Variants in LRRN1 observed in about 807,000 individuals in gnomAD.
The protein encoded by LRRN1 is leucine-rich repeat neuronal protein 1.
LRRN1 carries 14 observed loss-of-function variants against 45.8 expected under a neutral mutation model. That is an observed-to-expected ratio of 0.31 (90% CI 0.20 to 0.48). The LOEUF (loss-of-function observed/expected upper bound fraction) is 0.48, where lower values mean the gene tolerates loss of function less well. LRRN1 is among the 20% of genes least tolerant of loss of function. The probability of loss-of-function intolerance (pLI) is 0.99; values close to 1 mark genes in which losing one functional copy is unlikely to be tolerated. For missense variants in LRRN1, 789 were observed against 874.2 expected, an observed-to-expected ratio of 0.90 and a Z score of 1.23; for synonymous variants, 359 against 330.1, an observed-to-expected ratio of 1.09 and a Z score of -0.95.
intron 1 of LRRN1, among the ~76,000 whole-genome samples, chr3:3,804,917 T>C (rs2106449567): frequency 6.6e-6 from 1 of 152,332 alleles, no homozygotes; most frequent in East Asian, 1.9e-4. Flanking sequence ...GGAGCCACCA[T>C]TTCAATCCAG....
intron 1 of LRRN1, chr3:3,827,438 T>A: frequency 2.2e-6 from 1 of 456,476 alleles, no homozygotes; most frequent in South Asian, 1.5e-5. Context: ...CACAGTGGAG[T>A]CTGGGTCCAT....
At chr3:3,800,106 A>C (rs1575274004) in intron 1 of LRRN1, among the ~76,000 whole-genome samples, 187 bp downstream of exon 1, 1 of 149,400 alleles carries the variant, frequency 6.7e-6, no homozygotes, top group East Asian at 2.0e-4. Flanking sequence ...GGAAACGAGA[A>C]TATAGTGCCC....
intron 1 of LRRN1, among the ~76,000 whole-genome samples, chr3:3,826,447 CT>C (rs1300981785): frequency 1.3e-5 from 2 of 152,138 alleles, no homozygotes; most frequent in Non-Finnish European, 2.9e-5. Context: ...GAATTCCTTT[CT>C]TGGCGAACAT....
rs1403125985 is a variant in LRRN1, at chr3:3,848,621, A to G, written c.*1829A>G. 6.6e-6 allele frequency among the ~76,000 whole-genome samples: 1 copy of G among 152,182 alleles called. No homozygotes were observed. The highest frequency in any genetic ancestry group is 2.4e-5 in the African/African-American group (1 of 41,452). On this transcript the variant is annotated 3_prime_UTR_variant, in exon 2 of 2. Coordinates refer to ENST00000319331, the MANE Select transcript of LRRN1 (RefSeq NM_020873.7). ...AAGGGGTTTTGGCAAACAGAATTTC[A>G]GATCTTGAAACAAATGAGCTGCAAC...
chr3:3,838,624 A>T (rs1355037197), intron 1 of LRRN1, among the ~76,000 whole-genome samples: 1 of 152,184 alleles, frequency 6.6e-6, no homozygotes, highest in Non-Finnish European at 1.5e-5. Flanking sequence ...TAATGGTTGC[A>T]CCATTTTACA....
At chr3:3,811,515 A>T (rs1296632965) in intron 1 of LRRN1, among the ~76,000 whole-genome samples, 3 of 152,216 alleles carry the variant, frequency 2.0e-5, no homozygotes, top group African/African-American at 7.2e-5. Flanking sequence ...TCATTTTGCC[A>T]TATTGCTGCT....
chr3:3,805,245 G>T (rs1692728407), intron 1 of LRRN1, among the ~76,000 whole-genome samples: 1 of 152,124 alleles, frequency 6.6e-6, no homozygotes. Flanking sequence ...AACTAAAAAA[G>T]CTTTAAAAGA....
At position 3,815,359 on chromosome 3, in the gene LRRN1, C is replaced by T. The variant is rs573029110; in HGVS notation, c.-279+15440C>T. Among the ~76,000 whole-genome samples, 62 of 152,244 alleles carry T rather than the reference C, an allele frequency of 4.1e-4. 1 individual carries two copies. The highest frequency in any genetic ancestry group is 7.6e-4 in the Non-Finnish European group (52 of 68,010). ...TACCACTGCTTTGTGTACAGCTCCCCACCTCCCCTGCCACTGCCCTCAGTG... is the reference window on the plus strand; with the variant it reads ...TACCACTGCTTTGTGTACAGCTCCCTACCTCCCCTGCCACTGCCCTCAGTG... On this transcript the variant is annotated intron_variant, in intron 1 of 1. Transcript: ENST00000319331.
intron 1 of LRRN1, among the ~76,000 whole-genome samples, chr3:3,810,333 A>C (rs1009283766): frequency 6.6e-5 from 10 of 152,192 alleles, no homozygotes; most frequent in Admixed American, 5.2e-4. Flanking sequence ...CTCCACTGTG[A>C]TATGAAGGTT....
At chr3:3,838,291 A>T (rs1038676073) in intron 1 of LRRN1, among the ~76,000 whole-genome samples, 28 of 152,228 alleles carry the variant, frequency 1.8e-4, no homozygotes, top group African/African-American at 6.0e-4. Flanking sequence ...ACAAAACTAT[A>T]AAAACCCTAG....
chr3:3,799,785 T>TG lies in LRRN1; in HGVS notation c.-410dup, dbSNP rs1467022378. ...CAAGGAGCCAGTGCGCGCTGCGGGC[T>TG]GGGAAGGAGGCGCCGCTCAGCTAGT... On this transcript the variant is annotated 5_prime_UTR_variant, in exon 1 of 2. Transcript: ENST00000319331. 1.3e-5 allele frequency: 2 copies of TG among 157,932 alleles called. No individual in the cohort carries two copies. The highest frequency in any genetic ancestry group is 2.8e-3 in the Middle Eastern group (1 of 362). The allele number at this position is 157,932 out of a possible 1,614,324, so 9.8% of individuals were successfully genotyped here.
rs777272956 is a variant in LRRN1 at position 3,844,670 on chromosome 3, C to G, written c.29C>G (p.Ala10Gly). The G allele has an allele frequency of 1.9e-6, 3 of 1,613,060 alleles. No homozygotes were observed. The highest frequency in any genetic ancestry group is 2.5e-6 in the Non-Finnish European group (3 of 1,179,244). Reference protein sequence around the residue: MARMSFVIAACQLVLGLLMT... With the variant: MARMSFVIAGCQLVLGLLMT... The stretch of plus-strand genomic sequence containing the variant: ...GCTAGGATGAGCTTTGTTATAGCAG[C>G]TTGCCAATTGGTGCTGGGCCTACTA... The change falls in exon 2 of 2, where the codon GCT becomes GGT. Residue 10 changes from alanine to glycine, a missense_variant. Ala to Gly is a moderately conservative substitution (Grantham distance 60, BLOSUM62 0). Transcript: ENST00000319331.
rs369083212 is a variant in LRRN1, at chr3:3,845,984, G to A, written c.1343G>A (p.Arg448Gln). ...GGCACGACGGTTTTCCTAGACTGTC[G>A]AGCCATGGCTGAGCCAGAACCTGAA... is the stretch of plus-strand genomic sequence containing the variant. The part of the protein sequence containing the change: ...DIGTTVFLDC[R>Q]AMAEPEPEIY... Residue 448 changes from arginine to glutamine, a missense_variant, in exon 2 of 2, where the codon CGA becomes CAA. Arg to Gln is a conservative substitution (Grantham distance 43). Transcript: ENST00000319331. This position sits in a 1 kb window ranked among gnomAD's most constrained non-coding sequence, Gnocchi z 6.5. 2.0e-5 allele frequency: 33 copies of A among 1,613,836 alleles called. No individual in the cohort carries two copies. The highest frequency in any genetic ancestry group is 5.0e-5 in the Admixed American group (3 of 60,008).
intron 1 of LRRN1, among the ~76,000 whole-genome samples, chr3:3,804,968 T>A (rs1692724805): frequency 6.6e-6 from 1 of 152,200 alleles, no homozygotes; most frequent in Non-Finnish European, 1.5e-5. Flanking sequence ...GAAAGGACAA[T>A]CTTGGAAACA....
chr3:3,815,103 G>A (rs1025373695), intron 1 of LRRN1, among the ~76,000 whole-genome samples: 2 of 152,102 alleles, frequency 1.3e-5, no homozygotes, highest in Admixed American at 1.3e-4. Flanking sequence ...CTACCTTCCT[G>A]TCTTGATTTC....
At chr3:3,815,447 T>A (rs1692967914) in intron 1 of LRRN1, among the ~76,000 whole-genome samples, 1 of 152,158 alleles carries the variant, frequency 6.6e-6, no homozygotes, top group Middle Eastern at 3.2e-3. Context: ...CTGTGGGCAT[T>A]TGGAATGGTA....
chr3:3,846,572 G>A lies in LRRN1; in HGVS notation c.1931G>A (p.Ser644Asn), dbSNP rs1693783568. ...AVMGSMFAVI[S>N]LASIAVYFAK... The stretch of plus-strand genomic sequence containing the variant: ...ATGGGGTCTATGTTTGCCGTCATTA[G>A]CCTTGCGTCCATTGCTGTGTACTTT... The change falls in exon 2 of 2, where the codon AGC becomes AAC. Residue 644 changes from serine (S) to asparagine (N), a missense_variant. Physicochemically the swap from Ser to Asn is conservative, Grantham distance 46. Transcript: ENST00000319331. The surrounding 1 kb of genome is among the most constrained non-coding windows in gnomAD (Gnocchi z 5.7). 1 of 1,614,020 alleles carries A rather than the reference G, an allele frequency of 6.2e-7. No individual in the cohort carries two copies. The highest frequency in any genetic ancestry group is 1.3e-5 in the African/African-American group (1 of 74,920).
chr3:3,819,554 G>C (rs758115556), intron 1 of LRRN1, among the ~76,000 whole-genome samples: 4 of 152,104 alleles, frequency 2.6e-5, no homozygotes, highest in Non-Finnish European at 4.4e-5. Flanking sequence ...TCCAGTCTCT[G>C]CCTTCATTGT....
chr3:3,800,930 G>C (rs1477361102), intron 1 of LRRN1: 1 of 152,308 alleles, frequency 6.6e-6, no homozygotes. Context: ...GGTGTGGGCG[G>C]CCGCCGACTC....
Sources: gnomAD v4.1 joint callset for allele counts (sites outside exome capture counted in the v4.1 genomes callset) on GRCh38, gnomAD v4.1.1 for gene constraint, Gnocchi (gnomAD v3.1) non-coding constraint, MANE v1.5 for transcripts, NCBI Gene and HGNC (gene_info 2026-07-23, HGNC 2026-07-21) for gene names.